SOX6: variants seen among roughly 807,000 people sequenced by gnomAD.
SOX6 encodes SRY-box transcription factor 6, also known as transcription factor SOX-6.
A neutral mutation model predicts 97.8 loss-of-function variants in SOX6; 11 were observed. The observed-to-expected ratio is 0.11, with a 90% CI of 0.07 to 0.19. The LOEUF (loss-of-function observed/expected upper bound fraction) is 0.19. Ranked by LOEUF, SOX6 falls within the 10% of genes least tolerant of loss-of-function variation. The pLI is 1.00. For missense variants in SOX6, 810 were observed against 1,039.5 expected, an observed-to-expected ratio of 0.78 and a Z score of 3.04; for synonymous variants, 360 against 371.4, an observed-to-expected ratio of 0.97 and a Z score of 0.35.
intron 3 of SOX6, among the ~76,000 whole-genome samples, chr11:16,689,929 C>CTT (rs773781348): frequency 2.9e-5 from 4 of 136,076 alleles, no homozygotes; most frequent in Non-Finnish European, 3.2e-5. Context: ...TGTCCCATGG[C>CTT]TTTTTTTTTT....
chr11:16,491,883 T>C (rs949920419), intron 4 of SOX6, among the ~76,000 whole-genome samples: 5 of 152,120 alleles, frequency 3.3e-5, no homozygotes, highest in African/African-American at 1.2e-4. Flanking sequence ...AAACAATGAC[T>C]AGAGATTCCG....
chr11:16,658,925 C>A (rs535404231), intron 3 of SOX6, among the ~76,000 whole-genome samples: 66 of 152,236 alleles, frequency 4.3e-4, no homozygotes, highest in Non-Finnish European at 7.5e-4. Context: ...AAAAGAAGTT[C>A]TTTATATGCT....
At chr11:16,288,226 C>T (rs891455116) in intron 3 of SOX6, among the ~76,000 whole-genome samples, 2 of 151,758 alleles carry the variant, frequency 1.3e-5, no homozygotes, top group Non-Finnish European at 2.9e-5. Context: ...TTTCTTCAAA[C>T]CCTTGCTCAA....
At chr11:16,471,867 T>C (rs78469511) in intron 1 of SOX6, among the ~76,000 whole-genome samples, 1 of 152,150 alleles carries the variant, frequency 6.6e-6, no homozygotes, top group African/African-American at 2.4e-5. Flanking sequence ...CATATGTAAA[T>C]TCTCAAGACC....
At chr11:16,102,025 G>A in intron 7 of SOX6, among the ~76,000 whole-genome samples, 1 of 151,848 alleles carries the variant, frequency 6.6e-6, no homozygotes, top group East Asian at 1.9e-4. Context: ...GGAAGTCCTA[G>A]CAAGAGCAAT....
At chr11:16,093,024 A>C (rs182798568) in intron 9 of SOX6, among the ~76,000 whole-genome samples, 1 of 152,082 alleles carries the variant, frequency 6.6e-6, no homozygotes, top group East Asian at 1.9e-4. Flanking sequence ...TAGCTGAAGA[A>C]AGCAAATGGC....
intron 3 of SOX6, among the ~76,000 whole-genome samples, chr11:16,270,930 T>C (rs953965062): frequency 6.6e-6 from 1 of 151,266 alleles, no homozygotes; most frequent in African/African-American, 2.4e-5. Context: ...ATGAAAGAGT[T>C]TTGGGAATAG....
chr11:16,312,395 G>A (rs1855629735), intron 3 of SOX6: 1 of 152,120 alleles, frequency 6.6e-6, no homozygotes, highest in African/African-American at 2.4e-5. Context: ...CATGACTCCA[G>A]AACCTGACTC....
rs192215961 is a variant in SOX6 at position 16,184,026 on chromosome 11, C to T, written c.709-72G>A. The T allele has an allele frequency of 1.3e-4, 174 of 1,315,764 alleles. 2 individuals carry two copies. The East Asian group carries it at 4.1e-3, about 31-fold the overall frequency. The allele number at this position is 1,315,764 out of a possible 1,614,324, so 81.5% of individuals were successfully genotyped here. A position where few individuals can be genotyped will look rare whatever the true frequency, so the allele number is the denominator to read the frequency against. ...TCTGCCATTACCTCAGGTATTTCTC[C>T]TGGTATTACAACAATCTTTTACCGC... is the stretch of plus-strand genomic sequence containing the variant. On this transcript the variant is annotated intron_variant, in intron 5 of 15. Transcript: ENST00000683767.
chr11:16,146,295 C>T (rs1226725605), intron 6 of SOX6, among the ~76,000 whole-genome samples: 1 of 152,122 alleles, frequency 6.6e-6, no homozygotes, highest in Admixed American at 6.5e-5. Flanking sequence ...AACTGGCTAG[C>T]CATATGTAGA....
chr11:16,030,416 T>C (rs566955621), intron 12 of SOX6, among the ~76,000 whole-genome samples: 5 of 152,250 alleles, frequency 3.3e-5, no homozygotes, highest in East Asian at 1.9e-4. Context: ...AACAGTTACA[T>C]AGTTTGCCTT....
intron 10 of SOX6, among the ~76,000 whole-genome samples, chr11:16,053,777 T>C (rs1415258978): frequency 6.6e-6 from 1 of 152,172 alleles, no homozygotes; most frequent in African/African-American, 2.4e-5. Context: ...CTGAATTTAA[T>C]ATAAGTAGTC....
intron 3 of SOX6, among the ~76,000 whole-genome samples, chr11:16,711,177 T>C (rs1349911017): frequency 6.6e-6 from 1 of 152,140 alleles, no homozygotes; most frequent in Non-Finnish European, 1.5e-5. Context: ...CCATTCTCCA[T>C]ACTGTAATAA....
chr11:16,321,807 G>A (rs907547063), intron 2 of SOX6, among the ~76,000 whole-genome samples: 4 of 152,022 alleles, frequency 2.6e-5, no homozygotes, highest in South Asian at 2.1e-4. Context: ...CTTAAGTCGC[G>A]TGTTATGTTA....
chr11:16,637,745 G>A lies in SOX6; in HGVS notation n.430-25485C>T, dbSNP rs529933171. On this transcript the variant is annotated intron_variant and non_coding_transcript_variant, in intron 3 of 5. Transcript: ENST00000524520. ...TATGTCTGGATCCTAAGCTAATGAA[G>A]CCTTGGCCATCCTTAAAATATATTT... 5.9e-5 allele frequency among the ~76,000 whole-genome samples: 9 copies of A among 152,154 alleles called. No individual in the cohort carries two copies. The South Asian group carries it at 1.9e-3, about 32-fold the overall frequency.
At chr11:16,280,744 G>T (rs1854533967) in intron 3 of SOX6, among the ~76,000 whole-genome samples, 1 of 152,080 alleles carries the variant, frequency 6.6e-6, no homozygotes, top group African/African-American at 2.4e-5. Flanking sequence ...GTGTACGGTT[G>T]AATTACTTAT....
intron 1 of SOX6, among the ~76,000 whole-genome samples, chr11:16,413,610 T>C (rs1269103201): frequency 1.4e-5 from 2 of 142,896 alleles, no homozygotes; most frequent in African/African-American, 5.1e-5. Context: ...AACCTCTGCA[T>C]CCTGGGTTCA....
At chr11:16,585,903 G>C (rs1184691206) in intron 4 of SOX6, among the ~76,000 whole-genome samples, 2 of 151,934 alleles carry the variant, frequency 1.3e-5, no homozygotes, top group South Asian at 2.1e-4. Context: ...GGCTGGTCTT[G>C]AACTCCTGGG....
chr11:16,305,305 AAAT>A (rs1855393703), intron 3 of SOX6, among the ~76,000 whole-genome samples: 1 of 152,230 alleles, frequency 6.6e-6, no homozygotes, highest in South Asian at 2.1e-4. Flanking sequence ...CAAACGTGTG[AAAT>A]AATGTTCAAC....
Sources: allele counts gnomAD v4.1 joint callset (sites outside exome capture counted in the v4.1 genomes callset), GRCh38; gene constraint gnomAD v4.1.1; transcripts MANE v1.5; gene names NCBI Gene and HGNC (gene_info 2026-07-23, HGNC 2026-07-21).